CTIF: variants seen among roughly 807,000 people sequenced by gnomAD.
The protein encoded by CTIF is cap binding complex dependent translation initiation factor, also known as CBP80/20-dependent translation initiation factor.
Under a neutral mutation model 66.0 loss-of-function variants are expected in CTIF, and 21 were observed. The observed-to-expected ratio is 0.32, with a 90% CI of 0.23 to 0.46. CTIF has a LOEUF of 0.46. Among genes scored for constraint, CTIF ranks in the 20% least tolerant of loss-of-function variants. The pLI is 1.00. For synonymous variants in CTIF, 345 were observed against 326.4 expected (o/e 1.06, Z -0.62); for missense variants, 739 against 812.7 (o/e 0.91, Z 1.10).
chr18:48,668,512 G>A (rs888054002), intron 5 of CTIF, among the ~76,000 whole-genome samples: 3 of 152,232 alleles, frequency 2.0e-5, no homozygotes, highest in Non-Finnish European at 4.4e-5. Flanking sequence ...ACAGTTGTGG[G>A]GACAGCCGGG....
chr18:48,850,567 C>A (rs2069178507), intron 10 of CTIF, among the ~76,000 whole-genome samples: 1 of 152,220 alleles, frequency 6.6e-6, no homozygotes, highest in South Asian at 2.1e-4. Context: ...TGGAAAGGTT[C>A]TTCCCTTGGG....
chr18:48,597,225 G>A (rs1228276123), intron 1 of CTIF, among the ~76,000 whole-genome samples: 1 of 152,226 alleles, frequency 6.6e-6, no homozygotes, highest in Non-Finnish European at 1.5e-5. Flanking sequence ...AGGAAAAGGA[G>A]GAAGACATAG....
intron 3 of CTIF, among the ~76,000 whole-genome samples, chr18:48,652,995 A>C (rs1303920911): frequency 6.6e-6 from 1 of 152,206 alleles, no homozygotes; most frequent in Non-Finnish European, 1.5e-5. Context: ...AATTAGAGCT[A>C]TCTATGACAA....
intron 1 of CTIF, among the ~76,000 whole-genome samples, chr18:48,611,458 G>A (rs1447266458): frequency 6.6e-6 from 1 of 152,266 alleles, no homozygotes; most frequent in Non-Finnish European, 1.5e-5. Context: ...CTGGCCAGAA[G>A]TTTGGCCTGG....
At chr18:48,547,186 G>A (rs1246831054) in intron 1 of CTIF, among the ~76,000 whole-genome samples, 5 of 152,186 alleles carry the variant, frequency 3.3e-5, no homozygotes, top group African/African-American at 1.2e-4. Flanking sequence ...ACTCGGGGAG[G>A]CATGTGCAGG....
At chr18:48,607,142 G>A (rs940027830) in intron 1 of CTIF, among the ~76,000 whole-genome samples, 4 of 152,142 alleles carry the variant, frequency 2.6e-5, no homozygotes, top group East Asian at 3.9e-4. Context: ...TCCCTCCCTC[G>A]GGTCCTCCAA....
At chr18:48,836,900 C>T (rs1390308699) in intron 10 of CTIF, among the ~76,000 whole-genome samples, 1 of 152,232 alleles carries the variant, frequency 6.6e-6, no homozygotes, top group East Asian at 1.9e-4. Flanking sequence ...GGCGCCGGGG[C>T]CCAGTGGGAC....
intron 1 of CTIF, among the ~76,000 whole-genome samples, chr18:48,546,739 A>G (rs2088761255): frequency 6.6e-6 from 1 of 152,128 alleles, no homozygotes; most frequent in South Asian, 2.1e-4. Context: ...AGCCCTGCCT[A>G]AAACAGGACC....
intron 6 of CTIF, among the ~76,000 whole-genome samples, chr18:48,691,048 A>G (rs1460417093): frequency 6.6e-6 from 1 of 152,194 alleles, no homozygotes; most frequent in African/African-American, 2.4e-5. Context: ...TGGCTGCAAC[A>G]CAGGCTTCTT....
chr18:48,546,735 G>A lies in CTIF; in HGVS notation c.-29+7423G>A, dbSNP rs192388325. ...GATGATACCAGGAATCAAGAGCCCT[G>A]CCTAAAACAGGACCTGGTAAAAGTT... On this transcript the variant is annotated intron_variant, in intron 1 of 11. Coordinates refer to ENST00000256413, the MANE Select transcript of CTIF (RefSeq NM_014772.3). Among the ~76,000 whole-genome samples, 32 of 152,214 alleles carry A rather than the reference G, an allele frequency of 2.1e-4. No individual in the cohort carries two copies. The East Asian group carries it at 5.4e-3, about 26-fold the overall frequency.
chr18:48,600,645 A>G (rs948953096), intron 1 of CTIF, among the ~76,000 whole-genome samples: 5 of 151,454 alleles, frequency 3.3e-5, no homozygotes, highest in African/African-American at 4.9e-5. Context: ...AGCTGAAGGG[A>G]TATTTCTTCT....
At chr18:48,709,540 G>A (rs2092200094) in intron 6 of CTIF, among the ~76,000 whole-genome samples, 1 of 152,262 alleles carries the variant, frequency 6.6e-6, no homozygotes, top group Non-Finnish European at 1.5e-5. Context: ...CCTCTGCCCG[G>A]CCTCAGAGCC....
intron 9 of CTIF, among the ~76,000 whole-genome samples, chr18:48,816,538 A>G (rs2146322031): frequency 6.6e-6 from 1 of 152,296 alleles, no homozygotes; most frequent in South Asian, 2.1e-4. Context: ...CATCCCATGG[A>G]ACCCAGCTCC....
chr18:48,841,925 C>T (rs998916307), intron 10 of CTIF, among the ~76,000 whole-genome samples: 19 of 152,206 alleles, frequency 1.2e-4, no homozygotes, highest in Admixed American at 3.3e-4. Flanking sequence ...TCAGCGCTCA[C>T]ACACAAAAGA....
chr18:48,857,508 G>C, intron 10 of CTIF, 80 bp from the exon 11 acceptor site: 1 of 1,319,152 alleles, frequency 7.6e-7, no homozygotes, highest in South Asian at 1.4e-5. Flanking sequence ...GCTGCAGGTC[G>C]GCGGGGGCTG....
intron 9 of CTIF, among the ~76,000 whole-genome samples, chr18:48,789,274 C>T (rs1228058658): frequency 6.6e-6 from 1 of 151,976 alleles, no homozygotes; most frequent in African/African-American, 2.4e-5. Flanking sequence ...TTGTCACAGA[C>T]TAGTTGTGTA....
chr18:48,594,154 C>T (rs546943929), intron 1 of CTIF, among the ~76,000 whole-genome samples: 8 of 151,998 alleles, frequency 5.3e-5, no homozygotes, highest in African/African-American at 1.7e-4. Context: ...CTGGCCTACC[C>T]TTTTCCGGCG....
intron 1 of CTIF, among the ~76,000 whole-genome samples, chr18:48,587,212 G>T (rs1692697795): frequency 1.3e-5 from 2 of 151,720 alleles, no homozygotes; most frequent in South Asian, 4.2e-4. Context: ...CTCCTGAGTA[G>T]CTGGAACTAC....
chr18:48,789,980 A>G (rs1307780049), intron 9 of CTIF, among the ~76,000 whole-genome samples: 2 of 152,094 alleles, frequency 1.3e-5, no homozygotes, highest in African/African-American at 2.4e-5. Flanking sequence ...TCCCCTCTCT[A>G]TGTCCTAGGT....
Sources: gnomAD v4.1 joint callset for allele counts (sites outside exome capture counted in the v4.1 genomes callset) on GRCh38, gnomAD v4.1.1 for gene constraint, MANE v1.5 for transcripts, NCBI Gene and HGNC (gene_info 2026-07-23, HGNC 2026-07-21) for gene names.